The following MED14 variants were observed in gnomAD, a reference collection of about 807,000 sequenced individuals.
MED14 encodes mediator of RNA polymerase II transcription subunit 14.
A neutral mutation model predicts 109.0 loss-of-function variants in MED14; 8 were observed. The observed-to-expected ratio is 0.07, with a 90% CI of 0.04 to 0.13. MED14 has a LOEUF of 0.13. Ranked by LOEUF, MED14 falls within the 10% of genes least tolerant of loss-of-function variation. The pLI, the probability that MED14 is intolerant of heterozygous loss-of-function variation, is 1.00. For missense variants in MED14, 711 were observed against 1,142.4 expected (o/e 0.62, Z 5.44); for synonymous variants, 399 against 408.7 (o/e 0.98, Z 0.29).
At chrX:40,694,487 C>T (rs1221233375) in intron 13 of MED14, among the ~76,000 whole-genome samples, 1 of 111,448 alleles carries the variant, frequency 9.0e-6, no homozygotes, top group Admixed American at 9.6e-5. Flanking sequence ...GCTCCCCCTC[C>T]TCCCCACACA....
At chrX:40,665,486 C>A (rs1038271449) in intron 24 of MED14, among the ~76,000 whole-genome samples, 8 of 111,200 alleles carry the variant, frequency 7.2e-5, no homozygotes, top group African/African-American at 9.8e-5. Context: ...TGCACTGAGA[C>A]TGCACCACTG....
At chrX:40,654,840 G>C in intron 29 of MED14, 95 bp downstream of exon 29, 1 of 1,046,671 alleles carries the variant, frequency 9.6e-7, no homozygotes, top group African/African-American at 1.9e-5. Context: ...TTGGCAACAA[G>C]AGATAATTTA....
chrX:40,714,854 C>T, intron 3 of MED14, 144 bp from the exon 4 acceptor site: 1 of 504,220 alleles, frequency 2.0e-6, no homozygotes, highest in East Asian at 3.9e-5. Flanking sequence ...CAAATATTCT[C>T]CAGTAACTTG....
In MED14 at chrX:40,655,073, G is replaced by T; in HGVS notation, c.3973-13C>A. The T allele has an allele frequency of 8.3e-7, 1 of 1,198,547 alleles. No individual in the cohort carries two copies. Among genetic ancestry groups the T allele is most frequent in the Non-Finnish European group, 1.1e-6 (1 of 885,640 alleles). Reference sequence around the variant, plus strand: ...CTTGGTCAGGGAACTATTTTGAGGGGGAAAAATCAAGATAAAGGCATATAA... The same window carrying T: ...CTTGGTCAGGGAACTATTTTGAGGGTGAAAAATCAAGATAAAGGCATATAA... On this transcript the variant is annotated splice_polypyrimidine_tract_variant and intron_variant, in intron 28 of 30. Coordinates refer to ENST00000324817, the MANE Select transcript of MED14 (RefSeq NM_004229.4).
At chrX:40,709,860 G>T in intron 9 of MED14, 119 bp downstream of exon 9, 1 of 427,084 alleles carries the variant, frequency 2.3e-6, no homozygotes, top group Non-Finnish European at 3.9e-6. Context: ...CTTAAAATAA[G>T]TTTCATAAAA....
chrX:40,666,841 A>G lies in MED14; in HGVS notation c.3144T>C (p.His1048=), dbSNP rs1337896039. The change falls in exon 24 of 31, where the codon CAT becomes CAC. Residue 1048 remains histidine, a synonymous_variant. Coordinates refer to ENST00000324817, the MANE Select transcript of MED14 (RefSeq NM_004229.4). ...AAGCCCCACTGGGGGAGCTGGCAGC[A>G]TGCAGATTTCCTAATAAAGGAAAAT... ...MMHTQSPGNL[H]AASSPSGALR... The G allele has an allele frequency of 2.6e-6, 3 of 1,170,814 alleles. No homozygotes were observed. Among genetic ancestry groups the G allele is most frequent in the Non-Finnish European group, 3.4e-6 (3 of 875,008 alleles).
intron 25 of MED14, 59 bp downstream of exon 25, chrX:40,664,248 C>A (rs1268436904): frequency 2.8e-6 from 3 of 1,069,421 alleles, no homozygotes; most frequent in African/African-American, 1.9e-5. Flanking sequence ...GAGGATGCAA[C>A]AAGATAGGTC....
intron 1 of MED14, among the ~76,000 whole-genome samples, chrX:40,731,089 C>T (rs1032696593): frequency 5.6e-5 from 6 of 107,217 alleles, no homozygotes; most frequent in Non-Finnish European, 1.2e-4. Flanking sequence ...TGCAGTGAGC[C>T]ATGATTGTGC....
At chrX:40,692,106 CTA>C in intron 15 of MED14, 75 bp downstream of exon 15, 1 of 943,450 alleles carries the variant, frequency 1.1e-6, no homozygotes, top group Admixed American at 2.7e-5. Flanking sequence ...CTAATGGAAT[CTA>C]TATATACCCT....
At chrX:40,715,765 G>A (rs1356034220) in intron 3 of MED14, among the ~76,000 whole-genome samples, 1 of 95,595 alleles carries the variant, frequency 1.0e-5, no homozygotes, top group African/African-American at 3.9e-5. Context: ...CAGCCTGGGC[G>A]GTAGAGCGAG....
At chrX:40,693,166 T>G (rs1396619245) in intron 13 of MED14, among the ~76,000 whole-genome samples, 2 of 111,919 alleles carry the variant, frequency 1.8e-5, no homozygotes, top group Non-Finnish European at 3.8e-5. Context: ...TATTATGTAT[T>G]AAGTGTTCTT....
At chrX:40,735,852 CG>C (rs1932253569), upstream of MED14, 2 of 301,596 alleles carry the variant, frequency 6.6e-6, no homozygotes, top group Non-Finnish European at 1.3e-5. Flanking sequence ...GGGAGTGAGG[CG>C]GTACCTGTGA....
At chrX:40,705,986 C>G (rs182639667) in intron 10 of MED14, among the ~76,000 whole-genome samples, 2 of 111,589 alleles carry the variant, frequency 1.8e-5, no homozygotes, top group East Asian at 5.6e-4. Flanking sequence ...CCCCACGAAA[C>G]CACATGCCTG....
intron 3 of MED14, among the ~76,000 whole-genome samples, chrX:40,717,880 C>G (rs1209801873): frequency 1.8e-5 from 2 of 112,307 alleles, no homozygotes; most frequent in Non-Finnish European, 3.8e-5. Flanking sequence ...GTCCTTCAAA[C>G]AGGCTGTCAG....
chrX:40,725,591 T>C (rs886660942), intron 3 of MED14, among the ~76,000 whole-genome samples: 5 of 111,972 alleles, frequency 4.5e-5, no homozygotes, highest in African/African-American at 1.6e-4. Context: ...ATGTGATCAT[T>C]TCAACTGATG....
At chrX:40,715,785 C>CAAAAAAAAA (rs1491314503) in intron 3 of MED14, among the ~76,000 whole-genome samples, 1 of 3,821 alleles carries the variant, frequency 2.6e-4, no homozygotes, top group African/African-American at 7.5e-4. Context: ...GACTCCGTCT[C>CAAAAAAAAA]AAAAAAAAAA....
At chrX:40,732,736 C>T (rs1324786853) in intron 1 of MED14, among the ~76,000 whole-genome samples, 1 of 110,335 alleles carries the variant, frequency 9.1e-6, no homozygotes, top group Non-Finnish European at 1.9e-5. Flanking sequence ...CATGACTGTG[C>T]CACACTGCAC....
chrX:40,683,031 AC>A, intron 16 of MED14, 35 bp from the exon 17 acceptor site: 1 of 1,115,875 alleles, frequency 9.0e-7, no homozygotes, highest in Non-Finnish European at 1.2e-6. Flanking sequence ...AGTATACTTT[AC>A]ACAGACAAAG....
intron 1 of MED14, among the ~76,000 whole-genome samples, chrX:40,731,559 A>T (rs1932082147): frequency 8.9e-6 from 1 of 112,004 alleles, no homozygotes; most frequent in African/African-American, 3.3e-5. Flanking sequence ...TTTCCTATTA[A>T]ATTTCCCATG....
Sources: allele counts gnomAD v4.1 joint callset (sites outside exome capture counted in the v4.1 genomes callset), GRCh38; gene constraint gnomAD v4.1.1; transcripts MANE v1.5; gene names NCBI Gene and HGNC (gene_info 2026-07-23, HGNC 2026-07-21).